Variants in NLRC5 observed in about 807,000 individuals in gnomAD.
NLRC5 encodes protein NLRC5.
Under a neutral mutation model 206.9 loss-of-function variants are expected in NLRC5, and 114 were observed. The observed-to-expected ratio is 0.55, with a 90% CI of 0.47 to 0.64. The LOEUF is 0.64. Among genes scored for constraint, NLRC5 ranks in the 30% least tolerant of loss-of-function variants. The pLI is 0.00. For missense variants in NLRC5, 2,008 were observed against 2,305.5 expected, an observed-to-expected ratio of 0.87 and a Z score of 2.64; for synonymous variants, 952 against 962.8, an observed-to-expected ratio of 0.99 and a Z score of 0.21.
chr16:57,071,371 G>T (rs1253691686), intron 38 of NLRC5, among the ~76,000 whole-genome samples: 8 of 139,982 alleles, frequency 5.7e-5, no homozygotes, highest in Non-Finnish European at 1.1e-4. Flanking sequence ...GGGGAAGGGG[G>T]TGAGTGAGTG....
At chr16:57,056,666 T>C (rs2144496832) in intron 27 of NLRC5, among the ~76,000 whole-genome samples, 1 of 151,986 alleles carries the variant, frequency 6.6e-6, no homozygotes, top group African/African-American at 2.4e-5. Context: ...TTTTCTTTCT[T>C]TCTTTTTTTT....
intron 1 of NLRC5, among the ~76,000 whole-genome samples, chr16:57,011,566 A>G (rs2059501760): frequency 6.6e-6 from 1 of 152,098 alleles, no homozygotes; most frequent in Non-Finnish European, 1.5e-5. Context: ...CTACAAAAAA[A>G]TTAAAATTAG....
At chr16:57,018,490 C>T (rs2060316850) in intron 2 of NLRC5, among the ~76,000 whole-genome samples, 1 of 152,200 alleles carries the variant, frequency 6.6e-6, no homozygotes, top group African/African-American at 2.4e-5. Flanking sequence ...AATTCTAAGA[C>T]TCTCTGCCTG....
chr16:57,074,508 C>T (rs2068122649), intron 38 of NLRC5, 92 bp from the exon 39 acceptor site: 1 of 1,094,696 alleles, frequency 9.1e-7, no homozygotes, highest in South Asian at 1.3e-5. Flanking sequence ...CTTGGAGGTC[C>T]CTAGGCTTGC....
In NLRC5 at chr16:57,020,878, C is replaced by T; in HGVS notation, c.166C>T (p.Leu56=). Residue 56 remains leucine, a synonymous_variant, in exon 3 of 49, where the codon CTG becomes TTG. Coordinates refer to ENST00000688547, the MANE Select transcript of NLRC5 (RefSeq NM_001384950.1). ...ETLDPEQRVI[L]QLNKLHVQGS... is the part of the protein sequence containing the mutation. ...CTTGGACCCTGAACAGAGAGTCATC[C>T]TGCAACTCAACAAGCTGCATGTCCA... The T allele has an allele frequency of 6.2e-7, 1 of 1,613,848 alleles. No individual in the cohort carries two copies. Among genetic ancestry groups the T allele is most frequent in the South Asian group, 1.1e-5 (1 of 91,068 alleles).
intron 1 of NLRC5, among the ~76,000 whole-genome samples, chr16:57,006,311 A>G (rs1274326869): frequency 6.6e-6 from 1 of 151,912 alleles, no homozygotes; most frequent in Non-Finnish European, 1.5e-5. Context: ...TCTTTACACA[A>G]AGGAAGCATA....
chr16:57,026,469 G>A lies in NLRC5; in HGVS notation c.1526G>A (p.Gly509Asp), dbSNP rs1288000234. 6.2e-7 allele frequency: 1 copy of A among 1,614,130 alleles called. No homozygotes were observed. The highest frequency in any genetic ancestry group is 1.3e-5 in the African/African-American group (1 of 75,058). The part of the protein sequence containing the change: ...VCTGPGHQQT[G>D]YAFTHLSLQE... ...ACAGGCCCTGGGCACCAGCAGACAG[G>A]CTATGCTTTCACCCACCTCAGCCTG... Residue 509 changes from glycine (G) to aspartate (D), a missense_variant, in exon 6 of 49, where the codon GGC becomes GAC. By Grantham distance (94) the Gly-to-Asp change is moderately conservative. Transcript: ENST00000688547.
Position 57,025,922 on chromosome 16 carries a change from C to T in NLRC5, c.979C>T (p.Leu327Phe). 1 of 1,614,194 alleles carries T rather than the reference C, an allele frequency of 6.2e-7. No individual in the cohort carries two copies. The highest frequency in any genetic ancestry group is 8.5e-7 in the Non-Finnish European group (1 of 1,180,038). ...TGATGGCCCAGGCCCAGTCCTCACCCTTTTCTCCCATCTCTGCAATGGGAC... is the reference window on the plus strand; with the variant it reads ...TGATGGCCCAGGCCCAGTCCTCACCTTTTTCTCCCATCTCTGCAATGGGAC... ...GPDGPGPVLTLFSHLCNGTLL... is the reference protein window; with the variant it reads ...GPDGPGPVLTFFSHLCNGTLL... Residue 327 changes from leucine to phenylalanine, a missense_variant, in exon 6 of 49, where the codon CTT becomes TTT. Coordinates refer to ENST00000688547, the MANE Select transcript of NLRC5 (RefSeq NM_001384950.1).
At chr16:57,028,271 T>A in intron 7 of NLRC5, 31 bp from the exon 8 acceptor site, 1 of 1,606,014 alleles carries the variant, frequency 6.2e-7, no homozygotes. Flanking sequence ...CCCCTCCTCG[T>A]TCCTCCCCAC....
At chr16:57,062,519 TACTGCAG>T (rs2066641483) in intron 32 of NLRC5, 1 of 199,672 alleles carries the variant, frequency 5.0e-6, no homozygotes, top group Admixed American at 5.5e-5. Flanking sequence ...CAACTGTGTG[TACTGCAG>T]ACTGTCCTGC....
chr16:57,034,323 TTGGG>T, intron 13 of NLRC5, 72 bp downstream of exon 13: 2 of 1,185,980 alleles, frequency 1.7e-6, no homozygotes, highest in Non-Finnish European at 2.5e-6. Flanking sequence ...GGCCTCGCCT[TTGGG>T]TGGGTGGTGT....
chr16:57,045,716 G>A (rs1219965694), intron 21 of NLRC5, among the ~76,000 whole-genome samples: 1 of 152,252 alleles, frequency 6.6e-6, no homozygotes, highest in Non-Finnish European at 1.5e-5. Context: ...ATGCAGATGG[G>A]AGGAAGGGAG....
intron 13 of NLRC5, 34 bp from the exon 14 acceptor site, chr16:57,036,066 C>G: frequency 6.3e-7 from 1 of 1,585,712 alleles, no homozygotes; most frequent in South Asian, 1.1e-5. Flanking sequence ...GGACTCCAGC[C>G]CCACAATACA....
intron 15 of NLRC5, among the ~76,000 whole-genome samples, chr16:57,038,313 C>T (rs2062856021): frequency 2.6e-5 from 4 of 152,122 alleles, no homozygotes; most frequent in Admixed American, 2.6e-4. Context: ...GGCTGGAGTA[C>T]AGTGACACAA....
intron 39 of NLRC5, among the ~76,000 whole-genome samples, chr16:57,075,322 C>G (rs972622132): frequency 6.6e-6 from 1 of 152,182 alleles, no homozygotes; most frequent in African/African-American, 2.4e-5. Flanking sequence ...CGGGTTCAAG[C>G]GATTCTCCTG....
intron 13 of NLRC5, among the ~76,000 whole-genome samples, chr16:57,035,159 C>A (rs1567573835): frequency 6.6e-6 from 1 of 152,190 alleles, no homozygotes; most frequent in African/African-American, 2.4e-5. Flanking sequence ...CACCTCCTAG[C>A]CCCCTTGCCC....
chr16:57,061,448 G>C lies in NLRC5; in HGVS notation c.3987G>C (p.Arg1329Ser). The C allele has an allele frequency of 6.2e-7, 1 of 1,611,020 alleles. No individual in the cohort carries two copies. Among genetic ancestry groups the C allele is most frequent in the Non-Finnish European group, 8.5e-7 (1 of 1,179,922 alleles). ...CTCTGCCCTGGCTTTCTGCCCTCAGGCTAAGTGAGTGCAGCTTCCGGCCAG... is the reference window on the plus strand; with the variant it reads ...CTCTGCCCTGGCTTTCTGCCCTCAGCCTAAGTGAGTGCAGCTTCCGGCCAG... Reference protein sequence around the residue: ...SREDQAGKTLRLSECSFRPEH... With the variant: ...SREDQAGKTLSLSECSFRPEH... Residue 1329 changes from arginine to serine, a missense_variant and splice_region_variant, in exon 31 of 49, where the codon AGG (arginine) becomes AGC (serine). Coordinates refer to ENST00000688547, the MANE Select transcript of NLRC5 (RefSeq NM_001384950.1).
At chr16:57,067,894 T>C in intron 36 of NLRC5, 66 bp downstream of exon 36, 1 of 1,245,746 alleles carries the variant, frequency 8.0e-7, no homozygotes, top group East Asian at 2.3e-5. Context: ...CCTCCCGTTA[T>C]TCCCAGCCCT....
intron 30 of NLRC5, 108 bp from the exon 31 acceptor site, chr16:57,061,340 C>G (rs2066450281): frequency 3.6e-6 from 4 of 1,109,382 alleles, no homozygotes; most frequent in Non-Finnish European, 5.2e-6. Flanking sequence ...GGCCTTTGCC[C>G]TCAGAGGTGG....
Sources: allele counts gnomAD v4.1 joint callset (sites outside exome capture counted in the v4.1 genomes callset), GRCh38; gene constraint gnomAD v4.1.1; transcripts MANE v1.5; gene names NCBI Gene and HGNC (gene_info 2026-07-23, HGNC 2026-07-21).